The following FGD4 variants were observed in gnomAD, a reference collection of about 807,000 sequenced individuals.
The protein encoded by FGD4 is FYVE, RhoGEF and PH domain containing 4.
FGD4 carries 42 observed loss-of-function variants against 102.0 expected under a neutral mutation model. That is an observed-to-expected ratio of 0.41 (90% CI 0.32 to 0.53). The LOEUF is 0.53. FGD4 is among the 20% of genes least tolerant of loss of function. The pLI, the probability that FGD4 is intolerant of heterozygous loss-of-function variation, is 0.21. For synonymous variants in FGD4, 380 were observed against 375.7 expected, an observed-to-expected ratio of 1.01 and a Z score of -0.13; for missense variants, 902 against 1,078.2, an observed-to-expected ratio of 0.84 and a Z score of 2.29.
chr12:32,608,122 C>G (rs1948906234), intron 8 of FGD4, 27 bp downstream of exon 8: 1 of 1,613,700 alleles, frequency 6.2e-7, no homozygotes, highest in Admixed American at 1.7e-5. Flanking sequence ...TGTTTTCTCC[C>G]TATTTTGGAA....
intron 4 of FGD4, among the ~76,000 whole-genome samples, chr12:32,584,235 C>T (rs547609306): frequency 8.5e-5 from 13 of 152,298 alleles, no homozygotes; most frequent in African/African-American, 3.1e-4. Flanking sequence ...CACATCTCTC[C>T]TGTTAAAATG....
chr12:32,509,533 T>C (rs2136665621), intron 1 of FGD4, among the ~76,000 whole-genome samples: 1 of 152,324 alleles, frequency 6.6e-6, no homozygotes, highest in South Asian at 2.1e-4. Context: ...GCAGAAATTT[T>C]CCAAATGCTT....
chr12:32,400,046 C>G, intron 1 of FGD4, 87 bp downstream of exon 1: 1 of 1,392,202 alleles, frequency 7.2e-7, no homozygotes, highest in Non-Finnish European at 9.3e-7. Flanking sequence ...GGTGCGCCCT[C>G]TCGTCCCCCG....
intron 1 of FGD4, among the ~76,000 whole-genome samples, chr12:32,531,119 T>C (rs1275773461): frequency 6.6e-6 from 1 of 151,492 alleles, no homozygotes; most frequent in African/African-American, 2.4e-5. Context: ...GCCCAGCTAA[T>C]TTTTGTATTT....
At chr12:32,490,055 A>G (rs1019324824) in intron 1 of FGD4, among the ~76,000 whole-genome samples, 5 of 152,128 alleles carry the variant, frequency 3.3e-5, no homozygotes, top group Non-Finnish European at 5.9e-5. Flanking sequence ...ATATTTTCCT[A>G]TAGTATTTCC....
At chr12:32,490,804 T>C (rs1358910935) in intron 1 of FGD4, among the ~76,000 whole-genome samples, 1 of 152,162 alleles carries the variant, frequency 6.6e-6, no homozygotes, top group African/African-American at 2.4e-5. Flanking sequence ...ATGTGTGTTG[T>C]TTCTGGGTAT....
chr12:32,427,390 A>C (rs1941877719), intron 1 of FGD4, among the ~76,000 whole-genome samples: 2 of 152,190 alleles, frequency 1.3e-5, no homozygotes, highest in Non-Finnish European at 2.9e-5. Context: ...TGAGTTTCTT[A>C]ATCCTGAGTT....
chr12:32,569,336 G>A (rs1329364122), intron 2 of FGD4, among the ~76,000 whole-genome samples: 1 of 152,140 alleles, frequency 6.6e-6, no homozygotes, highest in Non-Finnish European at 1.5e-5. Flanking sequence ...GAACCCTGCA[G>A]GGACTTCTCA....
At chr12:32,569,790 G>A (rs1320513903) in intron 2 of FGD4, among the ~76,000 whole-genome samples, 1 of 152,100 alleles carries the variant, frequency 6.6e-6, no homozygotes, top group Admixed American at 6.5e-5. Flanking sequence ...TAATGAAAAA[G>A]TGAAAATAAA....
At chr12:32,558,934 A>G (rs1565838885) in intron 1 of FGD4, among the ~76,000 whole-genome samples, 1 of 152,264 alleles carries the variant, frequency 6.6e-6, no homozygotes, top group Non-Finnish European at 1.5e-5. Flanking sequence ...CCAGTCCTCA[A>G]GAGGAGATAG....
chr12:32,566,424 A>G (rs1398009779), intron 2 of FGD4, among the ~76,000 whole-genome samples: 4 of 152,058 alleles, frequency 2.6e-5, no homozygotes, highest in East Asian at 1.9e-4. Flanking sequence ...TTTCTCATTC[A>G]TTACAACCTG....
chr12:32,618,584 C>T lies in FGD4; in HGVS notation c.1750-1114C>T, dbSNP rs753308170. On this transcript the variant is annotated intron_variant, in intron 10 of 16. Transcript: ENST00000534526. ...GCTATGTCTCACACTATAATCCCAG[C>T]ACTTCGGGAGGCTGAGGTGAGAGTA... is the stretch of plus-strand genomic sequence containing the variant. Among the ~76,000 whole-genome samples, 11 of 152,118 alleles carry T rather than the reference C, an allele frequency of 7.2e-5. 1 individual carries two copies. Among genetic ancestry groups the T allele is most frequent in the East Asian group, 3.8e-4 (2 of 5,200 alleles).
chr12:32,606,054 C>G (rs1948758901), intron 7 of FGD4, among the ~76,000 whole-genome samples: 1 of 152,178 alleles, frequency 6.6e-6, no homozygotes, highest in African/African-American at 2.4e-5. Flanking sequence ...CTTATAGTCA[C>G]TTGACCTTAG....
intron 3 of FGD4, among the ~76,000 whole-genome samples, chr12:32,581,714 G>C (rs1192784903): frequency 6.6e-6 from 1 of 152,030 alleles, no homozygotes; most frequent in African/African-American, 2.4e-5. Context: ...AACAGCCCAA[G>C]GAAATGTTCC....
chr12:32,575,881 T>C (rs1946085617), intron 2 of FGD4, among the ~76,000 whole-genome samples: 1 of 152,246 alleles, frequency 6.6e-6, no homozygotes, highest in Non-Finnish European at 1.5e-5. Context: ...AAACCTGTTT[T>C]GTAGCAGACA....
chr12:32,606,570 C>T (rs1948796704), intron 7 of FGD4, among the ~76,000 whole-genome samples: 1 of 151,848 alleles, frequency 6.6e-6, no homozygotes. Flanking sequence ...GGGCTCGCTC[C>T]CTAGTCTGTC....
At chr12:32,410,327 C>CA (rs571141498) in intron 1 of FGD4, among the ~76,000 whole-genome samples, 1,570 of 137,552 alleles carry the variant, frequency 0.011, 16 homozygotes, top group African/African-American at 0.032. Flanking sequence ...GATTCCGTCT[C>CA]AAAAAAAAAA....
At chr12:32,588,577 G>A (rs1455034804) in intron 4 of FGD4, among the ~76,000 whole-genome samples, 2 of 149,250 alleles carry the variant, frequency 1.3e-5, no homozygotes, top group Non-Finnish European at 3.0e-5. Context: ...CCAGCAAGAA[G>A]TCCTCCAGGT....
chr12:32,417,688 C>A (rs1941473190), intron 1 of FGD4, among the ~76,000 whole-genome samples: 1 of 151,792 alleles, frequency 6.6e-6, no homozygotes, highest in Non-Finnish European at 1.5e-5. Flanking sequence ...CAACGCCAGG[C>A]TTACTAATTC....
Sources: gnomAD v4.1 joint callset for allele counts (sites outside exome capture counted in the v4.1 genomes callset) on GRCh38, gnomAD v4.1.1 for gene constraint, MANE v1.5 for transcripts, NCBI Gene and HGNC (gene_info 2026-07-23, HGNC 2026-07-21) for gene names.